The following MRPS6 variants were observed in gnomAD, a reference collection of about 807,000 sequenced individuals.
The protein encoded by MRPS6 is small ribosomal subunit protein bS6m.
In MRPS6, 6 loss-of-function variants were observed where a neutral mutation model predicts 13.1. The ratio of observed to expected loss-of-function variants is 0.46; its 90% confidence interval spans 0.25 to 0.91. The LOEUF (loss-of-function observed/expected upper bound fraction) is 0.91. Ranked by LOEUF, MRPS6 falls within the 40% of genes least tolerant of loss-of-function variation. The pLI is 0.18. For missense variants in MRPS6, 164 were observed against 155.6 expected, an observed-to-expected ratio of 1.05 and a Z score of -0.29; for synonymous variants, 61 against 56.5, an observed-to-expected ratio of 1.08 and a Z score of -0.36.
chr21:34,091,746 A>G (rs1978705470), intron 1 of MRPS6, among the ~76,000 whole-genome samples: 1 of 152,186 alleles, frequency 6.6e-6, no homozygotes, highest in African/African-American at 2.4e-5. Flanking sequence ...AAGAAGGGGA[A>G]TCTGCTCTGT....
rs1224216873 is a variant in MRPS6, at chr21:34,096,083, C to T, written c.45+22338C>T. On this transcript the variant is annotated intron_variant, in intron 1 of 2. Transcript: ENST00000399312. This position sits in a 1 kb window ranked among gnomAD's most constrained non-coding sequence, Gnocchi z 5.9. ...TTGCAGCCAAAAACATTGCTCATGC[C>T]AAAGGCTCTACTCTTATGGCTGGCT... 6.2e-7 allele frequency: 1 copy of T among 1,614,082 alleles called. No homozygotes were observed.
chr21:34,103,101 CAG>C (rs1979320529), intron 1 of MRPS6: 2 of 999,828 alleles, frequency 2.0e-6, no homozygotes, highest in African/African-American at 1.7e-5. Flanking sequence ...TAATTGGAAA[CAG>C]AAACGAGGCT....
At chr21:34,090,832 G>T (rs1193804949) in intron 1 of MRPS6, among the ~76,000 whole-genome samples, 1 of 152,192 alleles carries the variant, frequency 6.6e-6, no homozygotes, top group African/African-American at 2.4e-5. Flanking sequence ...GGAAGTGACG[G>T]AGCATGGAAC....
intron 1 of MRPS6, chr21:34,099,948 T>C: frequency 2.4e-6 from 1 of 417,420 alleles, no homozygotes; most frequent in Non-Finnish European, 3.4e-6. Flanking sequence ...GTCTTCAATC[T>C]ATATTTCATT....
chr21:34,109,792 T>G (rs769294178), intron 1 of MRPS6, among the ~76,000 whole-genome samples: 1 of 151,930 alleles, frequency 6.6e-6, no homozygotes, highest in Non-Finnish European at 1.5e-5. Context: ...CTCGTATTCT[T>G]GTAAGGTTGT....
intron 1 of MRPS6, among the ~76,000 whole-genome samples, chr21:34,107,462 G>A (rs1429171741): frequency 6.6e-6 from 1 of 152,188 alleles, no homozygotes; most frequent in Non-Finnish European, 1.5e-5. Flanking sequence ...GGTTTCTCCA[G>A]TGTTAGTTAC....
intron 2 of MRPS6, among the ~76,000 whole-genome samples, chr21:34,132,664 G>A (rs1980546633): frequency 6.6e-6 from 1 of 152,194 alleles, no homozygotes; most frequent in Non-Finnish European, 1.5e-5. Context: ...GAGCTGTGGG[G>A]TCTGGAGTCC....
At chr21:34,131,208 T>C (rs981462865) in intron 2 of MRPS6, among the ~76,000 whole-genome samples, 2 of 152,216 alleles carry the variant, frequency 1.3e-5, no homozygotes, top group East Asian at 1.9e-4. Flanking sequence ...TCAGTTGCAA[T>C]GTAGTCAAAT....
chr21:34,074,352 C>T (rs1270712547), intron 1 of MRPS6, among the ~76,000 whole-genome samples: 2 of 152,202 alleles, frequency 1.3e-5, no homozygotes, highest in African/African-American at 4.8e-5. Flanking sequence ...TTTGACTTTT[C>T]TTTTTCTGAC....
intron 1 of MRPS6, among the ~76,000 whole-genome samples, chr21:34,074,445 C>G (rs958685576): frequency 1.3e-5 from 2 of 152,228 alleles, no homozygotes; most frequent in African/African-American, 4.8e-5. Flanking sequence ...CCAGAAGACA[C>G]TTTCTTCCCC....
intron 1 of MRPS6, among the ~76,000 whole-genome samples, chr21:34,075,138 A>C (rs1309433635): frequency 6.6e-6 from 1 of 152,226 alleles, no homozygotes; most frequent in African/African-American, 2.4e-5. Flanking sequence ...AATTAGGTGG[A>C]AGTTGTTTAA....
intron 1 of MRPS6, among the ~76,000 whole-genome samples, chr21:34,116,881 C>T (rs1979937289): frequency 6.6e-6 from 1 of 152,130 alleles, no homozygotes; most frequent in Non-Finnish European, 1.5e-5. Context: ...GATAAATTCC[C>T]CTACACTCCC....
intron 1 of MRPS6, chr21:34,102,121 C>A: frequency 1.0e-6 from 1 of 1,000,110 alleles, no homozygotes; most frequent in Non-Finnish European, 1.2e-6. Flanking sequence ...GTCAAGGTCA[C>A]TTAATATGGA....
chr21:34,074,045 C>T lies in MRPS6; in HGVS notation c.45+300C>T, dbSNP rs544192950. On this transcript the variant is annotated intron_variant, in intron 1 of 2. Coordinates refer to ENST00000399312, the MANE Select transcript of MRPS6 (RefSeq NM_032476.4). ...GGGCGGACCGAGCGGGCCCCGACCC[C>T]GATCCCGGCGCCGGCCCGCGGGAGT... 9.4e-4 allele frequency among the ~76,000 whole-genome samples: 137 copies of T among 146,406 alleles called. 3 individuals carry two copies. The highest frequency in any genetic ancestry group is 5.5e-3 in the Admixed American group (81 of 14,804).
At chr21:34,097,720 T>G in intron 1 of MRPS6, 2 of 1,010,024 alleles carry the variant, frequency 2.0e-6, no homozygotes, top group South Asian at 4.6e-5. Context: ...TACCCTGAAG[T>G]AGAAGATTTG....
At chr21:34,098,738 G>A (rs1979090146) in intron 1 of MRPS6, 4 of 1,000,192 alleles carry the variant, frequency 4.0e-6, no homozygotes, top group East Asian at 1.1e-4. Context: ...ACATGGCTTG[G>A]CACCCACTTG....
At chr21:34,114,491 TA>T (rs994032256) in intron 1 of MRPS6, among the ~76,000 whole-genome samples, 1 of 151,214 alleles carries the variant, frequency 6.6e-6, no homozygotes, top group Non-Finnish European at 1.5e-5. Context: ...TGGGGAGCTT[TA>T]AAAAAATCTT....
intron 1 of MRPS6, chr21:34,124,550 C>T (rs1303603963): frequency 6.7e-6 from 1 of 150,332 alleles, no homozygotes; most frequent in African/African-American, 2.5e-5. Context: ...GGACTTGTGC[C>T]CAGTGTATAC....
chr21:34,124,003 C>T (rs1980213855), intron 1 of MRPS6: 1 of 152,274 alleles, frequency 6.6e-6, no homozygotes, highest in Admixed American at 6.6e-5. Flanking sequence ...TGTTTGTACT[C>T]CCCAAGGTTC....
Sources: gnomAD v4.1 joint callset for allele counts (sites outside exome capture counted in the v4.1 genomes callset) on GRCh38, gnomAD v4.1.1 for gene constraint, Gnocchi (gnomAD v3.1) non-coding constraint, MANE v1.5 for transcripts, NCBI Gene and HGNC (gene_info 2026-07-23, HGNC 2026-07-21) for gene names.